The following CALB1 variants were observed in gnomAD, a reference collection of about 807,000 sequenced individuals.
The protein encoded by CALB1 is calbindin 1.
In CALB1, 16 loss-of-function variants were observed where a neutral mutation model predicts 46.7. The ratio of observed to expected loss-of-function variants is 0.34; its 90% CI spans 0.23 to 0.52. The LOEUF is 0.52. Among genes scored for constraint, CALB1 ranks in the 20% least tolerant of loss-of-function variants. The probability of loss-of-function intolerance (pLI) is 0.95; values close to 1 mark genes in which losing one functional copy is unlikely to be tolerated. For missense variants in CALB1, 224 were observed against 300.3 expected, an observed-to-expected ratio of 0.75 and a Z score of 1.88; for synonymous variants, 90 against 112.8, an observed-to-expected ratio of 0.80 and a Z score of 1.28.
At chr8:90,062,996 C>G (rs959095457) in intron 9 of CALB1, 104 bp downstream of exon 9, 1 of 717,708 alleles carries the variant, frequency 1.4e-6, no homozygotes, top group Non-Finnish European at 2.4e-6. Flanking sequence ...AAGATTGTCT[C>G]TATAGTTTGC....
chr8:90,072,185 C>A (rs1180999377), intron 3 of CALB1, among the ~76,000 whole-genome samples: 1 of 151,748 alleles, frequency 6.6e-6, no homozygotes, highest in Non-Finnish European at 1.5e-5. Flanking sequence ...CAGAAAAAAA[C>A]AAATGAATGA....
intron 1 of CALB1, 155 bp from the exon 2 acceptor site, chr8:90,082,257 C>G: frequency 1.5e-6 from 1 of 655,362 alleles, no homozygotes; most frequent in East Asian, 2.7e-5. Flanking sequence ...TGAAGCGCTC[C>G]CCTCCTGGGG....
chr8:90,078,840 A>C (rs1459767038), intron 2 of CALB1, among the ~76,000 whole-genome samples: 1 of 152,032 alleles, frequency 6.6e-6, no homozygotes, highest in Non-Finnish European at 1.5e-5. Flanking sequence ...CTTGTCTTAC[A>C]ACATTTTTCT....
intron 6 of CALB1, 108 bp from the exon 7 acceptor site, chr8:90,063,569 G>C (rs1306734991): frequency 3.4e-6 from 3 of 875,112 alleles, no homozygotes; most frequent in Non-Finnish European, 5.3e-6. Flanking sequence ...TTGTATATAT[G>C]CAGTAAAATT....
At chr8:90,069,298 A>G in intron 3 of CALB1, 61 bp from the exon 4 acceptor site, 1 of 1,253,186 alleles carries the variant, frequency 8.0e-7, no homozygotes, top group Non-Finnish European at 1.2e-6. Context: ...AGTCTCTGCC[A>G]TTACCTGCTG....
At chr8:90,076,500 T>C (rs1471531307) in intron 3 of CALB1, among the ~76,000 whole-genome samples, 1 of 152,058 alleles carries the variant, frequency 6.6e-6, no homozygotes, top group African/African-American at 2.4e-5. Context: ...TCAAATGAGA[T>C]AACATATTTG....
intron 5 of CALB1, among the ~76,000 whole-genome samples, chr8:90,066,221 T>C (rs1487164179): frequency 6.6e-6 from 1 of 152,032 alleles, no homozygotes; most frequent in Admixed American, 6.6e-5. Flanking sequence ...TGATTGATCA[T>C]TGTCTGTGCA....
intron 3 of CALB1, among the ~76,000 whole-genome samples, chr8:90,075,998 C>G (rs548389116): frequency 4.6e-4 from 70 of 152,062 alleles, no homozygotes; most frequent in Non-Finnish European, 7.5e-4. Context: ...TCAGTTTCTT[C>G]ATCCTTAAAA....
intron 3 of CALB1, 75 bp downstream of exon 3, chr8:90,078,298 A>T: frequency 1.1e-6 from 1 of 870,066 alleles, no homozygotes; most frequent in Non-Finnish European, 1.9e-6. Flanking sequence ...GCTATATCTT[A>T]CTTGACTTGA....
chr8:90,059,600 A>G lies in CALB1; in HGVS notation c.*573T>C, dbSNP rs1257143092. The G allele has an allele frequency of 6.6e-6, 1 of 152,424 alleles. No homozygotes were observed. The highest frequency in any genetic ancestry group is 2.4e-5 in the African/African-American group (1 of 41,452). 9.4% of individuals were successfully genotyped at this position (152,424 alleles called of 1,614,324 possible). On this transcript the variant is annotated 3_prime_UTR_variant, in exon 11 of 11. Transcript: ENST00000265431. Reference sequence around the variant, plus strand: ...AACTTGAACCGATAGTTTTGTATGGATCCAAGCAGTAGACATGCTGTTGAT... The same window carrying G: ...AACTTGAACCGATAGTTTTGTATGGGTCCAAGCAGTAGACATGCTGTTGAT...
At chr8:90,074,811 T>C (rs1586183411) in intron 3 of CALB1, among the ~76,000 whole-genome samples, 1 of 152,142 alleles carries the variant, frequency 6.6e-6, no homozygotes, top group African/African-American at 2.4e-5. Flanking sequence ...GGATGGTAGG[T>C]TCTCACACAT....
intron 1 of CALB1, 191 bp from the exon 2 acceptor site, chr8:90,082,293 C>A: frequency 1.6e-6 from 1 of 613,942 alleles, no homozygotes; most frequent in South Asian, 2.0e-5. Flanking sequence ...CCACTGAGGA[C>A]AAAGGAGGAT....
At chr8:90,070,323 T>G (rs1814487762) in intron 3 of CALB1, among the ~76,000 whole-genome samples, 1 of 152,238 alleles carries the variant, frequency 6.6e-6, no homozygotes, top group South Asian at 2.1e-4. Flanking sequence ...ATCACGGGCA[T>G]GGACGGACCC....
intron 2 of CALB1, among the ~76,000 whole-genome samples, chr8:90,078,906 A>T (rs905942663): frequency 1.1e-4 from 16 of 152,172 alleles, no homozygotes; most frequent in African/African-American, 3.6e-4. Context: ...ATTTTGAACA[A>T]GCAAAAAATG....
At chr8:90,080,874 A>G (rs928183105) in intron 2 of CALB1, among the ~76,000 whole-genome samples, 5 of 152,128 alleles carry the variant, frequency 3.3e-5, no homozygotes, top group East Asian at 1.9e-4. Flanking sequence ...AATTTTATAT[A>G]TATCACTCAA....
At chr8:90,082,150 G>A (rs780897466) in intron 1 of CALB1, 48 bp from the exon 2 acceptor site, 1 of 1,488,358 alleles carries the variant, frequency 6.7e-7, no homozygotes, top group South Asian at 1.1e-5. Flanking sequence ...CATTCCAAGT[G>A]TCTTTCCCGT....
intron 2 of CALB1, among the ~76,000 whole-genome samples, chr8:90,081,185 G>A (rs547957690): frequency 6.6e-6 from 1 of 152,088 alleles, no homozygotes; most frequent in South Asian, 2.1e-4. Flanking sequence ...TAATAAGAAT[G>A]GTTATTTGTT....
intron 2 of CALB1, among the ~76,000 whole-genome samples, chr8:90,080,393 A>G (rs1384639743): frequency 6.6e-6 from 1 of 152,022 alleles, no homozygotes; most frequent in Non-Finnish European, 1.5e-5. Context: ...CTTCTGCACA[A>G]AATAAAATAT....
In CALB1 at chr8:90,081,886, T is replaced by A. The variant is rs138553009; in HGVS notation, c.156+140A>T. 553 of 683,254 alleles carry A rather than the reference T, an allele frequency of 8.1e-4. 8 individuals carry two copies. In the East Asian group the frequency reaches 0.015, roughly 18 times the overall value. The allele number at this position is 683,254 out of a possible 1,614,324, so 42.3% of individuals were successfully genotyped here. On this transcript the variant is annotated intron_variant, in intron 2 of 10. Transcript: ENST00000265431. ...TCTCTGTATTCGAGTTGGAAAAGTG[T>A]TTTTTCTTGCCTTTCGCAGTCAATA...
Sources: allele counts gnomAD v4.1 joint callset (sites outside exome capture counted in the v4.1 genomes callset), GRCh38; gene constraint gnomAD v4.1.1; transcripts MANE v1.5; gene names NCBI Gene and HGNC (gene_info 2026-07-23, HGNC 2026-07-21).